The following BABAM2 variants were observed in gnomAD, a reference collection of about 807,000 sequenced individuals.
BABAM2 encodes the protein BRISC and BRCA1-A complex member 2.
In BABAM2, 31 loss-of-function variants were observed where a neutral mutation model predicts 54.7. That is an observed-to-expected ratio of 0.57 (90% CI 0.43 to 0.77). The LOEUF is 0.77. Among genes scored for constraint, BABAM2 ranks in the 30% least tolerant of loss-of-function variants. BABAM2 has a pLI of 0.00. For synonymous variants in BABAM2, 167 were observed against 162.9 expected (o/e 1.03, Z -0.19); for missense variants, 364 against 455.8 (o/e 0.80, Z 1.83).
chr2:28,148,211 T>C (rs1671684361), intron 7 of BABAM2, among the ~76,000 whole-genome samples: 1 of 152,206 alleles, frequency 6.6e-6, no homozygotes, highest in African/African-American at 2.4e-5. Flanking sequence ...TGGCACACTT[T>C]AGGTTTGGCT....
At chr2:28,042,620 G>C (rs112417391) in intron 5 of BABAM2, among the ~76,000 whole-genome samples, 84 of 152,124 alleles carry the variant, frequency 5.5e-4, no homozygotes, top group African/African-American at 1.5e-3. Context: ...GTAGGGAAAG[G>C]CTGACTGGTG....
chr2:28,176,596 A>AAAACC (rs1248054622), intron 7 of BABAM2, among the ~76,000 whole-genome samples: 1 of 145,934 alleles, frequency 6.9e-6, no homozygotes, highest in Non-Finnish European at 1.5e-5. Context: ...AAAAAAAAAA[A>AAAACC]CCTCACTGAG....
chr2:28,112,428 A>G (rs1410361768), intron 6 of BABAM2, among the ~76,000 whole-genome samples: 1 of 150,460 alleles, frequency 6.6e-6, no homozygotes, highest in Non-Finnish European at 1.5e-5. Context: ...TCATTCTTCA[A>G]CTCCCACTTA....
chr2:28,128,385 C>T (rs910747886), intron 6 of BABAM2, among the ~76,000 whole-genome samples: 3 of 152,152 alleles, frequency 2.0e-5, no homozygotes, highest in Non-Finnish European at 4.4e-5. Context: ...ATGTGTGCCA[C>T]GAGATTTATT....
intron 3 of BABAM2, among the ~76,000 whole-genome samples, chr2:27,951,706 A>AT (rs1044844876): frequency 6.6e-6 from 1 of 151,854 alleles, no homozygotes. Context: ...AATTTTTTCA[A>AT]TTTTTTATTT....
intron 6 of BABAM2, among the ~76,000 whole-genome samples, chr2:28,103,142 TA>T (rs879352992): frequency 0.012 from 1,740 of 139,442 alleles, 14 homozygotes; most frequent in African/African-American, 0.03. Flanking sequence ...ACTTATTGAG[TA>T]AAAAAAAAAA....
At chr2:27,963,078 G>T (rs1445178364) in intron 3 of BABAM2, among the ~76,000 whole-genome samples, 1 of 152,016 alleles carries the variant, frequency 6.6e-6, no homozygotes, top group Non-Finnish European at 1.5e-5. Flanking sequence ...TTGACAAGTG[G>T]AATTACTAGA....
chr2:28,132,142 C>CTT (rs371766527), intron 7 of BABAM2, among the ~76,000 whole-genome samples: 53 of 139,396 alleles, frequency 3.8e-4, no homozygotes, highest in African/African-American at 9.1e-4. Context: ...TCTTCTTCTT[C>CTT]TTTTTTTTTT....
At chr2:28,154,232 C>T (rs1672334630) in intron 7 of BABAM2, among the ~76,000 whole-genome samples, 1 of 152,104 alleles carries the variant, frequency 6.6e-6, no homozygotes, top group African/African-American at 2.4e-5. Context: ...AACTGAAGGC[C>T]TTAAAGTGCC....
chr2:28,183,522 A>G (rs557322271), intron 7 of BABAM2, among the ~76,000 whole-genome samples: 2 of 152,276 alleles, frequency 1.3e-5, no homozygotes, highest in South Asian at 4.2e-4. Context: ...TAAGCGAGCA[A>G]TAGCTGCCCA....
At chr2:28,176,757 T>C in intron 7 of BABAM2, among the ~76,000 whole-genome samples, 1 of 149,998 alleles carries the variant, frequency 6.7e-6, no homozygotes. Context: ...AAAATATTTA[T>C]TCATGAGCTT....
chr2:28,069,933 G>A (rs1324035139), intron 6 of BABAM2, among the ~76,000 whole-genome samples: 1 of 152,160 alleles, frequency 6.6e-6, no homozygotes, highest in African/African-American at 2.4e-5. Flanking sequence ...GGATCACAGA[G>A]GTTTAATTCA....
intron 7 of BABAM2, among the ~76,000 whole-genome samples, chr2:28,161,659 C>T (rs1673108072): frequency 6.6e-6 from 1 of 152,116 alleles, no homozygotes; most frequent in African/African-American, 2.4e-5. Flanking sequence ...AATGCTGAGG[C>T]CCTGCATTCC....
intron 7 of BABAM2, among the ~76,000 whole-genome samples, chr2:28,222,299 C>T (rs567492414): frequency 2.6e-5 from 4 of 152,248 alleles, no homozygotes; most frequent in South Asian, 4.1e-4. Flanking sequence ...AGAGCCCAAC[C>T]AGAGAATTCA....
At chr2:27,945,269 T>C (rs538618231) in intron 3 of BABAM2, among the ~76,000 whole-genome samples, 4 of 152,208 alleles carry the variant, frequency 2.6e-5, no homozygotes, top group African/African-American at 9.6e-5. Context: ...CCTAAAGTGA[T>C]CTTTCCACCT....
At chr2:28,167,705 T>TA (rs1558400396) in intron 7 of BABAM2, among the ~76,000 whole-genome samples, 11 of 66,000 alleles carry the variant, frequency 1.7e-4, no homozygotes, top group Non-Finnish European at 1.9e-4. Flanking sequence ...AAAAAATAAA[T>TA]AAATAAATAA....
At chr2:28,166,931 T>C (rs1673742167) in intron 7 of BABAM2, among the ~76,000 whole-genome samples, 1 of 152,212 alleles carries the variant, frequency 6.6e-6, no homozygotes, top group African/African-American at 2.4e-5. Flanking sequence ...GGGGGAGATA[T>C]CCAAGAGACA....
At position 28,045,817 on chromosome 2, in the gene BABAM2, T is replaced by C. The variant is rs775873216; in HGVS notation, c.570+18T>C. On this transcript the variant is annotated intron_variant, in intron 6 of 11. Coordinates refer to ENST00000379624, the MANE Select transcript of BABAM2 (RefSeq NM_199191.3). ...TTCTCAAGGTAAAAATATATGATTT[T>C]CAGTATGAGAATATAAGTGAGCTTT... is the stretch of plus-strand genomic sequence containing the variant. 1.9e-6 allele frequency: 3 copies of C among 1,581,960 alleles called. No homozygotes were observed. Among genetic ancestry groups the C allele is most frequent in the Non-Finnish European group, 2.6e-6 (3 of 1,154,578 alleles).
intron 6 of BABAM2, among the ~76,000 whole-genome samples, chr2:28,121,431 T>G (rs1051076780): frequency 5.3e-5 from 8 of 152,226 alleles, no homozygotes; most frequent in African/African-American, 1.7e-4. Flanking sequence ...CTTGACTATC[T>G]CTTCTGCTTA....
Sources: gnomAD v4.1 joint callset for allele counts (sites outside exome capture counted in the v4.1 genomes callset) on GRCh38, gnomAD v4.1.1 for gene constraint, MANE v1.5 for transcripts, NCBI Gene and HGNC (gene_info 2026-07-23, HGNC 2026-07-21) for gene names.